Variants in PTPRN2 observed in about 807,000 individuals in gnomAD.
The protein encoded by PTPRN2 is receptor-type tyrosine-protein phosphatase N2.
PTPRN2 carries 74 observed loss-of-function variants against 118.8 expected under a neutral mutation model. That is an observed-to-expected ratio of 0.62 (90% CI 0.52 to 0.76). PTPRN2 has a LOEUF of 0.76. PTPRN2 is among the 30% of genes least tolerant of loss of function. PTPRN2 has a pLI of 0.00. For missense variants in PTPRN2, 1,481 were observed against 1,394.4 expected, an observed-to-expected ratio of 1.06 and a Z score of -0.99; for synonymous variants, 641 against 608.0, an observed-to-expected ratio of 1.05 and a Z score of -0.80.
Position 158,556,000 on chromosome 7 carries a change from C to T in PTPRN2, c.112+31558G>A, listed in dbSNP as rs1457285661. 6.6e-6 allele frequency among the ~76,000 whole-genome samples: 1 copy of T among 152,156 alleles called. No homozygotes were observed. The highest frequency in any genetic ancestry group is 2.4e-5 in the African/African-American group (1 of 41,430). On this transcript the variant is annotated intron_variant, in intron 1 of 22. Transcript: ENST00000389418. The surrounding 1 kb of genome is among the most constrained non-coding windows in gnomAD (Gnocchi z 4.7). ...AACAGCCTTGGAATGTCCTTCTTTA[C>T]TAGATCAACAGATGGTTGTCATAGA...
intron 3 of PTPRN2, among the ~76,000 whole-genome samples, chr7:158,229,347 C>A (rs768232370): frequency 9.2e-5 from 14 of 152,136 alleles, no homozygotes; most frequent in Middle Eastern, 3.4e-3. Flanking sequence ...AGACACACAT[C>A]AACAAGAAAC....
At position 158,407,613 on chromosome 7, in the gene PTPRN2, G is replaced by C. The variant is rs62478430; in HGVS notation, c.163+82122C>G. Among the ~76,000 whole-genome samples, 77 of 15,658 alleles carry C rather than the reference G, an allele frequency of 4.9e-3. 20 individuals are homozygous for C. The highest frequency in any genetic ancestry group is 8.7e-3 in the South Asian group (3 of 346). The allele number at this position is 15,658 out of a possible 152,430, so 10.3% of individuals were successfully genotyped here. On this transcript the variant is annotated intron_variant, in intron 2 of 22. Transcript: ENST00000389418. ...CCTGGGTCCTGCGTCCTGCGTCCTG[G>C]GTCCTGGGTCCTGGGTCCTGCGTCC...
At chr7:158,520,634 T>C (rs1412470991) in intron 1 of PTPRN2, among the ~76,000 whole-genome samples, 1 of 152,210 alleles carries the variant, frequency 6.6e-6, no homozygotes, top group East Asian at 1.9e-4. Context: ...CACTGTTTTG[T>C]GGGTGGTGAT....
At chr7:157,621,949 G>A (rs1006740190) in intron 14 of PTPRN2, among the ~76,000 whole-genome samples, 1 of 152,052 alleles carries the variant, frequency 6.6e-6, no homozygotes, top group South Asian at 2.1e-4. Flanking sequence ...GCTCTGATCT[G>A]TGCAAAATGC....
intron 1 of PTPRN2, among the ~76,000 whole-genome samples, chr7:158,515,324 T>A (rs1823467755): frequency 1.3e-5 from 2 of 151,912 alleles, no homozygotes; most frequent in African/African-American, 4.8e-5. Context: ...GTAGCTGGGA[T>A]TACAGGCACG....
At chr7:158,571,226 T>C (rs1828011291) in intron 1 of PTPRN2, among the ~76,000 whole-genome samples, 1 of 152,144 alleles carries the variant, frequency 6.6e-6, no homozygotes, top group Non-Finnish European at 1.5e-5. Flanking sequence ...GGCTCACGCC[T>C]GTAATCCCAG....
chr7:158,246,319 G>A (rs920317213), intron 3 of PTPRN2, among the ~76,000 whole-genome samples: 2 of 151,586 alleles, frequency 1.3e-5, no homozygotes, highest in Admixed American at 6.6e-5. Context: ...TGGGTCTCCT[G>A]GTGACCAAAG....
chr7:157,652,879 C>G (rs112104067), intron 14 of PTPRN2, among the ~76,000 whole-genome samples: 1 of 152,222 alleles, frequency 6.6e-6, no homozygotes, highest in Non-Finnish European at 1.5e-5. Flanking sequence ...TCTGTTACTC[C>G]GGGTCTCCAG....
At chr7:157,684,615 C>G (rs941305574) in intron 12 of PTPRN2, among the ~76,000 whole-genome samples, 2 of 151,308 alleles carry the variant, frequency 1.3e-5, no homozygotes, top group Non-Finnish European at 3.0e-5. Context: ...CCCCCTCCCT[C>G]CGGCCCACAC....
At chr7:157,941,873 G>A (rs1238243448) in intron 11 of PTPRN2, among the ~76,000 whole-genome samples, 1 of 152,122 alleles carries the variant, frequency 6.6e-6, no homozygotes, top group African/African-American at 2.4e-5. Context: ...CAGGCTGAGT[G>A]CCCATCTCCT....
chr7:158,333,492 G>A (rs1261389920), intron 2 of PTPRN2, among the ~76,000 whole-genome samples: 2 of 147,136 alleles, frequency 1.4e-5, no homozygotes, highest in African/African-American at 2.7e-5. Context: ...GACACCTGGA[G>A]ACGTCACTCA....
At position 158,314,149 on chromosome 7, in the gene PTPRN2, T is replaced by G. The variant is rs142180497; in HGVS notation, c.277+2670A>C. 9.7e-3 allele frequency among the ~76,000 whole-genome samples: 1,471 copies of G among 152,296 alleles called. 28 individuals carry two copies. Among genetic ancestry groups the G allele is most frequent in the African/African-American group, 0.034 (1,401 of 41,558 alleles). On this transcript the variant is annotated intron_variant, in intron 3 of 22. Transcript: ENST00000389418. ...AGTGCCAGTTGCCAGCACATGGTGATAGCTACATACATACCTAGAGCCGGG... is the reference window on the plus strand; with the variant it reads ...AGTGCCAGTTGCCAGCACATGGTGAGAGCTACATACATACCTAGAGCCGGG...
intron 12 of PTPRN2, among the ~76,000 whole-genome samples, chr7:157,851,031 G>A (rs1368930767): frequency 6.6e-6 from 1 of 152,234 alleles, no homozygotes; most frequent in Non-Finnish European, 1.5e-5. Flanking sequence ...AAAAGGCGGC[G>A]AGGGAGGTAC....
Position 158,213,219 on chromosome 7 carries a change from T to TGC in PTPRN2, c.278-7947_278-7946insGC, listed in dbSNP as rs548211514. Reference sequence around the variant, plus strand: ...ATGGCTCTGTGCTTGTGTGTGTGTGTGTGTGTGTGTGTGTGTGTGTGTGTG... The same window carrying TGC: ...ATGGCTCTGTGCTTGTGTGTGTGTGTGCGTGTGTGTGTGTGTGTGTGTGTGTG... On this transcript the variant is annotated intron_variant, in intron 3 of 22. Transcript: ENST00000389418. 2.7e-5 allele frequency among the ~76,000 whole-genome samples: 4 copies of TGC among 150,250 alleles called. No individual in the cohort carries two copies. In the South Asian group the frequency reaches 9.0e-4, roughly 34 times the overall value.
At chr7:158,432,196 G>A (rs1174521996) in intron 2 of PTPRN2, among the ~76,000 whole-genome samples, 1 of 152,184 alleles carries the variant, frequency 6.6e-6, no homozygotes, top group Non-Finnish European at 1.5e-5. Context: ...ACACGGTCAG[G>A]GAGACGTCAC....
At chr7:158,145,060 T>C (rs545674753) in intron 6 of PTPRN2, among the ~76,000 whole-genome samples, 43 of 148,284 alleles carry the variant, frequency 2.9e-4, no homozygotes, top group Non-Finnish European at 6.1e-4. Flanking sequence ...AAGGTTTCCC[T>C]CACATCATCG....
intron 11 of PTPRN2, among the ~76,000 whole-genome samples, chr7:157,917,409 T>C (rs1336632505): frequency 6.6e-6 from 1 of 152,210 alleles, no homozygotes; most frequent in African/African-American, 2.4e-5. Context: ...TCAGCCCTTG[T>C]TTTCCAGCCA....
chr7:158,517,926 T>C lies in PTPRN2; in HGVS notation c.113-28141A>G. On this transcript the variant is annotated intron_variant, in intron 1 of 22. Transcript: ENST00000389418. The surrounding 1 kb of genome is among the most constrained non-coding windows in gnomAD (Gnocchi z 5.3). ...CCCCAGTCTGACTAGAGTCCACTCA[T>C]TTTTCAGGTACCAAGTTGCACCTTG... Among the ~76,000 whole-genome samples, 1 of 152,176 alleles carries C rather than the reference T, an allele frequency of 6.6e-6. No individual in the cohort carries two copies. The highest frequency in any genetic ancestry group is 1.9e-4 in the East Asian group (1 of 5,200).
At chr7:158,214,684 T>C (rs988776894) in intron 3 of PTPRN2, among the ~76,000 whole-genome samples, 10 of 152,100 alleles carry the variant, frequency 6.6e-5, no homozygotes, top group Non-Finnish European at 8.8e-5. Context: ...TTCATCTCCA[T>C]TGGGTTGTAA....
Sources: gnomAD v4.1 joint callset for allele counts (sites outside exome capture counted in the v4.1 genomes callset) on GRCh38, gnomAD v4.1.1 for gene constraint, Gnocchi (gnomAD v3.1) non-coding constraint, MANE v1.5 for transcripts, NCBI Gene and HGNC (gene_info 2026-07-23, HGNC 2026-07-21) for gene names.